Variants in MRC2 observed in about 807,000 individuals in gnomAD.
MRC2 encodes the protein C-type mannose receptor 2.
A neutral mutation model predicts 206.2 loss-of-function variants in MRC2; 84 were observed. That is an observed-to-expected ratio of 0.41 (90% CI 0.34 to 0.49). The LOEUF is 0.49. Ranked by LOEUF, MRC2 falls within the 20% of genes least tolerant of loss-of-function variation. MRC2 has a pLI of 0.31. For synonymous variants in MRC2, 798 were observed against 800.0 expected (o/e 1.00, Z 0.04); for missense variants, 1,676 against 2,001.5 (o/e 0.84, Z 3.10).
In MRC2 at chr17:62,691,227, C is replaced by T. The variant is rs1013500628; in HGVS notation, c.4192+99C>T. On this transcript the variant is annotated intron_variant, in intron 28 of 29. Transcript: ENST00000303375. The stretch of plus-strand genomic sequence containing the variant: ...GCTTCACAACTGCAGGGGGCACAGC[C>T]GATGGGAAGGCCTGAACAGAACGGA... 13 of 1,377,818 alleles carry T rather than the reference C, an allele frequency of 9.4e-6. No homozygotes were observed. In the Middle Eastern group the frequency reaches 7.3e-4, roughly 78 times the overall value. The allele number at this position is 1,377,818 out of a possible 1,614,324, so 85.3% of individuals were successfully genotyped here.
chr17:62,662,227 G>A (rs903058139), intron 1 of MRC2, among the ~76,000 whole-genome samples: 1 of 151,224 alleles, frequency 6.6e-6, no homozygotes, highest in East Asian at 1.9e-4. Flanking sequence ...TCTAGCCTGG[G>A]TGACAGAGCG....
At chr17:62,640,538 G>A (rs2088388350) in intron 1 of MRC2, among the ~76,000 whole-genome samples, 1 of 151,962 alleles carries the variant, frequency 6.6e-6, no homozygotes, top group Admixed American at 6.6e-5. Context: ...GTTTTGTTTT[G>A]AGACACTGTC....
intron 13 of MRC2, 134 bp downstream of exon 13, chr17:62,678,780 C>A: frequency 7.7e-7 from 1 of 1,291,742 alleles, no homozygotes; most frequent in Non-Finnish European, 1.1e-6. Flanking sequence ...AGGCCTGCAT[C>A]TGCTGCTGGT....
chr17:62,666,842 G>A lies in MRC2; in HGVS notation c.945G>A (p.Ser315=), dbSNP rs778725977. 30 of 1,613,632 alleles carry A rather than the reference G, an allele frequency of 1.9e-5. No homozygotes were observed. The highest frequency in any genetic ancestry group is 2.2e-5 in the Non-Finnish European group (26 of 1,179,940). ...TSGGWQWSDN[S]PLKYLNWESD... is the part of the protein sequence containing the mutation. ...GAGGCTGGCAGTGGTCGGACAACTCGCCCCTCAAGTACCTCAACTGGGAGA... is the reference window on the plus strand; with the variant it reads ...GAGGCTGGCAGTGGTCGGACAACTCACCCCTCAAGTACCTCAACTGGGAGA... The change falls in exon 5 of 30, where the codon TCG becomes TCA. Residue 315 remains serine (S), a synonymous_variant. Transcript: ENST00000303375. This position sits in a 1 kb window ranked among gnomAD's most constrained non-coding sequence, Gnocchi z 5.0.
intron 1 of MRC2, among the ~76,000 whole-genome samples, chr17:62,649,463 C>T (rs746605462): frequency 2.0e-4 from 30 of 152,174 alleles, no homozygotes; most frequent in East Asian, 3.9e-4. Context: ...TGGTGGTGGG[C>T]GCCTGTAATC....
chr17:62,635,644 C>T (rs1568047557), intron 1 of MRC2, among the ~76,000 whole-genome samples: 1 of 152,178 alleles, frequency 6.6e-6, no homozygotes, highest in Non-Finnish European at 1.5e-5. Flanking sequence ...GCATGCTGTT[C>T]ATTGGCCTCA....
Position 62,688,963 on chromosome 17 carries a change from A to T in MRC2, c.3334+3A>T. On this transcript the variant is annotated splice_donor_region_variant and intron_variant, in intron 23 of 29. Coordinates refer to ENST00000303375, the MANE Select transcript of MRC2 (RefSeq NM_006039.5). The stretch of plus-strand genomic sequence containing the variant: ...CTTCATCTGCCAGAAGGGCACGGGT[A>T]TGTGTCACCAGTCACCTGGGAAACC... The T allele has an allele frequency of 6.2e-7, 1 of 1,611,914 alleles. No individual in the cohort carries two copies. The highest frequency in any genetic ancestry group is 1.1e-5 in the South Asian group (1 of 90,794).
In MRC2 at chr17:62,688,347, TCTCCTGTGAACAGCAAGAGGCCCA is replaced by T; in HGVS notation, c.3006_3029del (p.Phe1002_Gln1010delinsLeu). On this transcript the variant is annotated inframe_deletion, in exon 21 of 30. Coordinates refer to ENST00000303375, the MANE Select transcript of MRC2 (RefSeq NM_006039.5). ...CGGGTGAAGTGGTCAGAGGCACAGTTCTCCTGTGAACAGCAAGAGGCCCAGCTGGTCACCATCACAAACCCCTTA... is the reference window on the plus strand; with the variant it reads ...CGGGTGAAGTGGTCAGAGGCACAGTTGCTGGTCACCATCACAAACCCCTTA... 6.2e-7 allele frequency: 1 copy of T among 1,614,092 alleles called. No individual in the cohort carries two copies. The highest frequency in any genetic ancestry group is 8.5e-7 in the Non-Finnish European group (1 of 1,180,010).
In MRC2 at chr17:62,633,623, G is replaced by A. The variant is rs1022044325; in HGVS notation, c.118+5703G>A. On this transcript the variant is annotated intron_variant, in intron 1 of 29. Coordinates refer to ENST00000303375, the MANE Select transcript of MRC2 (RefSeq NM_006039.5). The stretch of plus-strand genomic sequence containing the variant: ...TGGCCCATGCCTGTAATCCTGGCTT[G>A]AGCCCAGGAGTTCAAGACCAACTTG... Among the ~76,000 whole-genome samples the A allele has an allele frequency of 4.7e-5, 7 of 149,258 alleles. No individual in the cohort carries two copies. In the East Asian group the frequency reaches 1.4e-3, roughly 29 times the overall value.
intron 6 of MRC2, among the ~76,000 whole-genome samples, chr17:62,669,203 C>A (rs1186353526): frequency 1.3e-5 from 2 of 152,038 alleles, no homozygotes; most frequent in Non-Finnish European, 2.9e-5. Context: ...CAATGATCGA[C>A]TCAGGACTGG....
At chr17:62,636,212 C>T (rs1598965177) in intron 1 of MRC2, among the ~76,000 whole-genome samples, 1 of 150,652 alleles carries the variant, frequency 6.6e-6, no homozygotes, top group Non-Finnish European at 1.5e-5. Context: ...TATGATTGCA[C>T]CACTGCACAA....
Position 62,688,577 on chromosome 17 carries a change from G to C in MRC2, c.3138G>C (p.Gln1046His). Residue 1046 changes from glutamine to histidine, a missense_variant, in exon 22 of 30, where the codon CAG (glutamine) becomes CAC (histidine). Transcript: ENST00000303375. Reference protein sequence around the residue: ...IGLHASQRDFQWVEQEPLMYA... With the variant: ...IGLHASQRDFHWVEQEPLMYA... The stretch of plus-strand genomic sequence containing the variant: ...TCCATGCCTCGCAGAGGGACTTCCA[G>C]TGGGTGGAGCAGGAGCCTTTGATGT... 1 of 1,614,252 alleles carries C rather than the reference G, an allele frequency of 6.2e-7. No individual in the cohort carries two copies. The highest frequency in any genetic ancestry group is 8.5e-7 in the Non-Finnish European group (1 of 1,180,038).
Position 62,691,233 on chromosome 17 carries a change from GA to G in MRC2, c.4192+107del, listed in dbSNP as rs150620843. ...CAACTGCAGGGGGCACAGCCGATGG[GA>G]AGGCCTGAACAGAACGGACTGCGGG... On this transcript the variant is annotated intron_variant, in intron 28 of 29. Coordinates refer to ENST00000303375, the MANE Select transcript of MRC2 (RefSeq NM_006039.5). The G allele has an allele frequency of 5.9e-4, 792 of 1,352,294 alleles. 4 individuals are homozygous for G. The African/African-American group carries it at 0.011, about 18-fold the overall frequency. The allele number at this position is 1,352,294 out of a possible 1,614,324, so 83.8% of individuals were successfully genotyped here.
Position 62,692,773 on chromosome 17 carries a change from G to A in MRC2, c.*322G>A, listed in dbSNP as rs914211258. 8 of 331,868 alleles carry A rather than the reference G, an allele frequency of 2.4e-5. No homozygotes were observed. The highest frequency in any genetic ancestry group is 6.3e-5 in the East Asian group (1 of 15,918). 20.6% of individuals were successfully genotyped at this position (331,868 alleles called of 1,614,324 possible). ...GAGCCTCTTTCTCCCCAGAGCCCCCGGCCCAGGCCTGTTGATCCGCGCCCC... is the reference window on the plus strand; with the variant it reads ...GAGCCTCTTTCTCCCCAGAGCCCCCAGCCCAGGCCTGTTGATCCGCGCCCC... On this transcript the variant is annotated 3_prime_UTR_variant, in exon 30 of 30. Transcript: ENST00000303375. The surrounding 1 kb of genome is among the most constrained non-coding windows in gnomAD (Gnocchi z 4.2).
Position 62,688,555 on chromosome 17 carries a change from A to G in MRC2, c.3116A>G (p.His1039Arg), listed in dbSNP as rs2089060874. Residue 1039 changes from histidine to arginine, a missense_variant, in exon 22 of 30, where the codon CAT (histidine) becomes CGT (arginine). His to Arg is a conservative substitution (Grantham distance 29). Transcript: ENST00000303375. ...ACCTTTGACCTTTGGATTGGCCTCCATGCCTCGCAGAGGGACTTCCAGTGG... is the reference window on the plus strand; with the variant it reads ...ACCTTTGACCTTTGGATTGGCCTCCGTGCCTCGCAGAGGGACTTCCAGTGG... ...NVTFDLWIGL[H>R]ASQRDFQWVE... The G allele has an allele frequency of 1.9e-6, 3 of 1,614,100 alleles. No homozygotes were observed. Among genetic ancestry groups the G allele is most frequent in the East Asian group, 2.2e-5 (1 of 44,894 alleles).
intron 23 of MRC2, 112 bp from the exon 24 acceptor site, chr17:62,689,410 A>C: frequency 1.4e-6 from 1 of 695,612 alleles, no homozygotes; most frequent in Non-Finnish European, 2.4e-6. Flanking sequence ...CCAAGCGCCG[A>C]GTCTGGTGGA....
chr17:62,631,573 T>G (rs1276910321), intron 1 of MRC2, among the ~76,000 whole-genome samples: 3 of 151,996 alleles, frequency 2.0e-5, no homozygotes, highest in African/African-American at 7.2e-5. Context: ...CCCCCATAAC[T>G]CCAAGCCCTC....
chr17:62,678,511 G>A lies in MRC2; in HGVS notation c.2060G>A (p.Ser687Asn). 1 of 1,612,384 alleles carries A rather than the reference G, an allele frequency of 6.2e-7. No homozygotes were observed. Among genetic ancestry groups the A allele is most frequent in the East Asian group, 2.2e-5 (1 of 44,808 alleles). Residue 687 changes from serine (S) to asparagine (N), a missense_variant, in exon 13 of 30, where the codon AGC becomes AAC. Physicochemically the swap from Ser to Asn is conservative, Grantham distance 46 (BLOSUM62 1). Transcript: ENST00000303375. ...TGGACTCTGCCCCTGCAGGTGTTCA[G>A]CTCAGAGCGGCTGCAGGACAAGAAG... ...TKLRYCYKVF[S>N]SERLQDKKSW...
intron 9 of MRC2, among the ~76,000 whole-genome samples, chr17:62,674,500 C>T (rs2088865870): frequency 1.3e-5 from 2 of 152,146 alleles, no homozygotes; most frequent in Non-Finnish European, 2.9e-5. Flanking sequence ...CCAGCCTAGT[C>T]ATGTCAAGCA....
Sources: allele counts gnomAD v4.1 joint callset (sites outside exome capture counted in the v4.1 genomes callset), GRCh38; gene constraint gnomAD v4.1.1; non-coding constraint Gnocchi (gnomAD v3.1); transcripts MANE v1.5; gene names NCBI Gene and HGNC (gene_info 2026-07-23, HGNC 2026-07-21).